Variants in SPI1 observed in about 807,000 individuals in gnomAD.
SPI1 encodes the protein Spi-1 proto-oncogene, also known as transcription factor PU.1.
SPI1 carries 3 observed loss-of-function variants against 30.7 expected under a neutral mutation model. The observed-to-expected ratio is 0.10, with a 90% confidence interval of 0.04 to 0.25. The LOEUF is 0.25. SPI1 is among the 10% of genes least tolerant of loss of function. SPI1 has a pLI of 1.00. For missense variants in SPI1, 261 were observed against 371.5 expected (o/e 0.70, Z 2.45); for synonymous variants, 169 against 157.1 (o/e 1.08, Z -0.56).
In SPI1 at chr11:47,356,722, CAT is replaced by C. The variant is rs567317045; in HGVS notation, c.494-1178_494-1177del. ...ACACACATGCCCCTGCTCACACACA[CAT>C]GCTTACACCACACCATTCACTCACA... On this transcript the variant is annotated intron_variant, in intron 4 of 4. Coordinates refer to ENST00000378538, the MANE Select transcript of SPI1 (RefSeq NM_003120.3). Among the ~76,000 whole-genome samples the C allele has an allele frequency of 4.7e-3, 716 of 151,234 alleles. 5 individuals carry two copies. The highest frequency in any genetic ancestry group is 8.3e-3 in the Non-Finnish European group (561 of 67,728).
At chr11:47,364,473 A>G (rs10466401) in intron 2 of SPI1, among the ~76,000 whole-genome samples, 151,486 of 152,186 alleles carry the variant, frequency 1, 75,398 homozygotes, top group Middle Eastern at 1. Flanking sequence ...CTCTCCAGTT[A>G]TTGATCCCTG....
At chr11:47,358,708 C>G (rs1326501452) in intron 4 of SPI1, 136 bp downstream of exon 4, 2 of 900,416 alleles carry the variant, frequency 2.2e-6, no homozygotes, top group Non-Finnish European at 3.5e-6. Flanking sequence ...CCACAAAACA[C>G]ACACACTGGC....
chr11:47,365,274 A>G (rs2095926654), intron 2 of SPI1, among the ~76,000 whole-genome samples: 1 of 152,164 alleles, frequency 6.6e-6, no homozygotes, highest in Admixed American at 6.5e-5. Context: ...GCTCCTCGAA[A>G]GAATATAATG....
intron 4 of SPI1, among the ~76,000 whole-genome samples, chr11:47,355,988 C>T (rs2142876065): frequency 6.7e-6 from 1 of 150,310 alleles, no homozygotes; most frequent in East Asian, 2.0e-4. Flanking sequence ...CCCACACACG[C>T]TCACACGTAC....
At chr11:47,369,961 T>A (rs1450089677) in intron 2 of SPI1, among the ~76,000 whole-genome samples, 1 of 152,176 alleles carries the variant, frequency 6.6e-6, no homozygotes, top group Non-Finnish European at 1.5e-5. Flanking sequence ...TCCTGTGAAG[T>A]TGGTATTGTC....
intron 4 of SPI1, chr11:47,358,247 TA>T: frequency 2.0e-5 from 8 of 407,862 alleles, no homozygotes; most frequent in South Asian, 1.8e-4. Flanking sequence ...CATTCACACA[TA>T]TACACTTGCT....
rs987874203 is a variant in SPI1 at position 47,359,059 on chromosome 11, G to A, written c.331-53C>T. ...TCAGGAAGGGCCAGCTTACAGCTCA[G>A]GGGGGCTGGGAGGGAGGTCAGCTGG... On this transcript the variant is annotated intron_variant, in intron 3 of 4. Coordinates refer to ENST00000378538, the MANE Select transcript of SPI1 (RefSeq NM_003120.3). The surrounding 1 kb of genome is among the most constrained non-coding windows in gnomAD (Gnocchi z 5.1). 3.4e-6 allele frequency: 5 copies of A among 1,485,372 alleles called. No individual in the cohort carries two copies. Among genetic ancestry groups the A allele is most frequent in the Non-Finnish European group, 4.5e-6 (5 of 1,114,500 alleles). The allele number at this position is 1,485,372 out of a possible 1,614,324, so 92.0% of individuals were successfully genotyped here.
Position 47,374,873 on chromosome 11 carries a change from C to G in SPI1, c.142+760G>C, listed in dbSNP as rs970070325. ...GAAGGACTGGACAGACAGAAGGACA[C>G]CCTGGCCCAGGCCTCTTCCTCCCAC... On this transcript the variant is annotated intron_variant, in intron 2 of 4. Coordinates refer to ENST00000378538, the MANE Select transcript of SPI1 (RefSeq NM_003120.3). This position sits in a 1 kb window ranked among gnomAD's most constrained non-coding sequence, Gnocchi z 4.5. 6.6e-6 allele frequency among the ~76,000 whole-genome samples: 1 copy of G among 152,226 alleles called. No individual in the cohort carries two copies. The highest frequency in any genetic ancestry group is 2.4e-5 in the African/African-American group (1 of 41,452).
rs550782144 is a variant in SPI1, at chr11:47,378,452, G to C, written c.-99C>G. 7.3e-7 allele frequency: 1 copy of C among 1,362,316 alleles called. No individual in the cohort carries two copies. The highest frequency in any genetic ancestry group is 2.0e-5 in the Admixed American group (1 of 50,830). The allele number at this position is 1,362,316 out of a possible 1,614,324, so 84.4% of individuals were successfully genotyped here. ...CCCGTCAGGGGCTGGACGGTCGTGGGGCGGGTGCAGGGCTCAGGCCTGCCC... is the reference window on the plus strand; with the variant it reads ...CCCGTCAGGGGCTGGACGGTCGTGGCGCGGGTGCAGGGCTCAGGCCTGCCC... On this transcript the variant is annotated 5_prime_UTR_variant, in exon 1 of 5. Transcript: ENST00000378538.
rs1595852731 is a variant in SPI1, at chr11:47,355,070, G to A, written c.*157C>T. 2.3e-6 allele frequency: 1 copy of A among 438,010 alleles called. No homozygotes were observed. Among genetic ancestry groups the A allele is most frequent in the Middle Eastern group, 6.5e-4 (1 of 1,530 alleles). The allele number at this position is 438,010 out of a possible 1,614,324, so 27.1% of individuals were successfully genotyped here. ...GGGAGGCGAAGCGGGATGTGGAGGG[G>A]GCCTGGAGTGGGGGGAGGGGGCGGG... On this transcript the variant is annotated 3_prime_UTR_variant, in exon 5 of 5. Coordinates refer to ENST00000378538, the MANE Select transcript of SPI1 (RefSeq NM_003120.3).
rs1565635419 is a variant in SPI1 at position 47,356,399 on chromosome 11, GCA to G, written c.494-855_494-854del. Among the ~76,000 whole-genome samples, 4 of 143,160 alleles carry G rather than the reference GCA, an allele frequency of 2.8e-5. No individual in the cohort carries two copies. In the South Asian group the frequency reaches 6.9e-4, roughly 25 times the overall value. 93.9% of individuals were successfully genotyped at this position (143,160 alleles called of 152,430 possible). On this transcript the variant is annotated intron_variant, in intron 4 of 4. Coordinates refer to ENST00000378538, the MANE Select transcript of SPI1 (RefSeq NM_003120.3). Reference sequence around the variant, plus strand: ...ACACCTCATTCACACCCACTCACATGCACACTCACACCCACCCAATGCACCCA... The same window carrying G: ...ACACCTCATTCACACCCACTCACATGCACTCACACCCACCCAATGCACCCA...
intron 4 of SPI1, chr11:47,358,557 C>T: frequency 4.3e-6 from 3 of 698,310 alleles, no homozygotes; most frequent in Non-Finnish European, 7.9e-6. Flanking sequence ...TGCACACGCA[C>T]CCTCTGCACA....
Position 47,355,560 on chromosome 11 carries a change from G to A in SPI1, c.494-14C>T, listed in dbSNP as rs973265214. On this transcript the variant is annotated splice_polypyrimidine_tract_variant and intron_variant, in intron 4 of 4. Transcript: ENST00000378538. The stretch of plus-strand genomic sequence containing the variant: ...TCTTCTTGCTGCCTGCGGGGGGGAG[G>A]GCCCGGTGGGAGGGGGCCCGGGGCC... The A allele has an allele frequency of 1.3e-6, 2 of 1,554,420 alleles. No homozygotes were observed. Among genetic ancestry groups the A allele is most frequent in the Non-Finnish European group, 1.7e-6 (2 of 1,148,258 alleles).
chr11:47,355,606 C>G, intron 4 of SPI1, 60 bp from the exon 5 acceptor site: 1 of 1,426,106 alleles, frequency 7.0e-7, no homozygotes, highest in Non-Finnish European at 9.4e-7. Context: ...CCGCCCCCAC[C>G]GCCTTGCGTA....
chr11:47,355,552 G>A lies in SPI1; in HGVS notation c.494-6C>T, dbSNP rs764993077. On this transcript the variant is annotated splice_region_variant and splice_polypyrimidine_tract_variant and intron_variant, in intron 4 of 4. Coordinates refer to ENST00000378538, the MANE Select transcript of SPI1 (RefSeq NM_003120.3). ...GCGGATCTTCTTCTTGCTGCCTGCG[G>A]GGGGGAGGGCCCGGTGGGAGGGGGC... The A allele has an allele frequency of 1.3e-5, 20 of 1,564,898 alleles. No homozygotes were observed. The highest frequency in any genetic ancestry group is 1.6e-5 in the Non-Finnish European group (19 of 1,152,798).
At chr11:47,370,662 A>T (rs886682244) in intron 2 of SPI1, among the ~76,000 whole-genome samples, 3 of 152,230 alleles carry the variant, frequency 2.0e-5, no homozygotes, top group Non-Finnish European at 4.4e-5. Flanking sequence ...AGATTGCGCC[A>T]CTGTGCTCCA....
Position 47,356,829 on chromosome 11 carries a change from G to A in SPI1, c.494-1283C>T, listed in dbSNP as rs369181021. Among the ~76,000 whole-genome samples, 12 of 141,396 alleles carry A rather than the reference G, an allele frequency of 8.5e-5. No individual in the cohort carries two copies. The East Asian group carries it at 1.7e-3, about 21-fold the overall frequency. 92.8% of individuals were successfully genotyped at this position (141,396 alleles called of 152,430 possible). A position where few individuals can be genotyped will look rare whatever the true frequency, so the allele number is the denominator to read the frequency against. On this transcript the variant is annotated intron_variant, in intron 4 of 4. Transcript: ENST00000378538. Reference sequence around the variant, plus strand: ...ACACACCTGCTTACACACATCTCACGTTACTCAGCCCCACACGCACACACC... The same window carrying A: ...ACACACCTGCTTACACACATCTCACATTACTCAGCCCCACACGCACACACC...
rs564110110 is a variant in SPI1 at position 47,361,509 on chromosome 11, T to G, written c.143-1469A>C. Among the ~76,000 whole-genome samples the G allele has an allele frequency of 1.1e-4, 17 of 152,270 alleles. No homozygotes were observed. The East Asian group carries it at 3.3e-3, about 29-fold the overall frequency. ...GAAGATCTTCAGCATGAACACCTTTTCCAGGAACAAAAACTGCCACACATC... is the reference window on the plus strand; with the variant it reads ...GAAGATCTTCAGCATGAACACCTTTGCCAGGAACAAAAACTGCCACACATC... On this transcript the variant is annotated intron_variant, in intron 2 of 4. Transcript: ENST00000378538.
In SPI1 at chr11:47,356,902, TCA is replaced by T. The variant is rs572229915; in HGVS notation, c.494-1358_494-1357del. Among the ~76,000 whole-genome samples, 134 of 143,456 alleles carry T rather than the reference TCA, an allele frequency of 9.3e-4. 1 individual carries two copies. Among genetic ancestry groups the T allele is most frequent in the East Asian group, 7.9e-3 (37 of 4,702 alleles). 94.1% of individuals were successfully genotyped at this position (143,456 alleles called of 152,430 possible). Reference sequence around the variant, plus strand: ...CTCAGCTACACACACACGCCCCTGCTCACACACTTGTGCTCACACACCTCACA... The same window carrying T: ...CTCAGCTACACACACACGCCCCTGCTCACACTTGTGCTCACACACCTCACA... On this transcript the variant is annotated intron_variant, in intron 4 of 4. Coordinates refer to ENST00000378538, the MANE Select transcript of SPI1 (RefSeq NM_003120.3).
Sources: allele counts gnomAD v4.1 joint callset (sites outside exome capture counted in the v4.1 genomes callset), GRCh38; gene constraint gnomAD v4.1.1; non-coding constraint Gnocchi (gnomAD v3.1); transcripts MANE v1.5; gene names NCBI Gene and HGNC (gene_info 2026-07-23, HGNC 2026-07-21).